Variants in TLK1 observed in about 807,000 individuals in gnomAD.
TLK1 encodes serine/threonine-protein kinase tousled-like 1.
Under a neutral mutation model 105.3 loss-of-function variants are expected in TLK1, and 24 were observed. The observed-to-expected ratio is 0.23, with a 90% CI of 0.17 to 0.32. The LOEUF is 0.32. Among genes scored for constraint, TLK1 ranks in the 10% least tolerant of loss-of-function variants. TLK1 has a pLI of 1.00. For synonymous variants in TLK1, 321 were observed against 310.4 expected (o/e 1.03, Z -0.36); for missense variants, 558 against 910.5 (o/e 0.61, Z 4.98).
At chr2:171,041,282 C>G (rs750995783) in intron 11 of TLK1, among the ~76,000 whole-genome samples, 8 of 152,188 alleles carry the variant, frequency 5.3e-5, no homozygotes, top group Admixed American at 2.6e-4. Context: ...ATCTTTTCAA[C>G]AGTATAATGT....
chr2:171,170,695 A>C (rs1692711248), intron 1 of TLK1, among the ~76,000 whole-genome samples: 1 of 152,226 alleles, frequency 6.6e-6, no homozygotes, highest in Admixed American at 6.5e-5. Flanking sequence ...CTGCCCCATA[A>C]GTTGGCACCA....
chr2:171,222,379 G>A (rs1457540816), intron 1 of TLK1, among the ~76,000 whole-genome samples: 1 of 152,080 alleles, frequency 6.6e-6, no homozygotes, highest in South Asian at 2.1e-4. Flanking sequence ...CTGTTGCCGA[G>A]GCTGGAGTGG....
intron 1 of TLK1, among the ~76,000 whole-genome samples, chr2:171,216,343 G>A (rs1250921777): frequency 1.6e-4 from 25 of 152,132 alleles, no homozygotes; most frequent in Admixed American, 1.6e-3. Context: ...GGGTGTGGTG[G>A]TGGGCGCCTG....
intron 10 of TLK1, 40 bp from the exon 11 acceptor site, chr2:171,046,402 A>G (rs375871319): frequency 4.3e-5 from 65 of 1,507,542 alleles, no homozygotes; most frequent in Non-Finnish European, 4.7e-5. Context: ...TTAACCTTCC[A>G]TTACTTTTCA....
chr2:171,102,374 T>A (rs1266241538), intron 2 of TLK1, among the ~76,000 whole-genome samples: 1 of 152,198 alleles, frequency 6.6e-6, no homozygotes, highest in Non-Finnish European at 1.5e-5. Context: ...TCAAACTGTG[T>A]GTAATGACTC....
intron 1 of TLK1, among the ~76,000 whole-genome samples, chr2:171,149,094 CTTTTCTT>C (rs1691920639): frequency 1.3e-5 from 1 of 74,250 alleles, no homozygotes; most frequent in African/African-American, 5.1e-5. Flanking sequence ...CTTTGAATTA[CTTTTCTT>C]TTTTTTTTTT....
At chr2:170,996,531 G>T in intron 20 of TLK1, 122 bp downstream of exon 20, 2 of 715,128 alleles carry the variant, frequency 2.8e-6, no homozygotes, top group African/African-American at 1.8e-5. Flanking sequence ...AGCCCCTGCT[G>T]GACAGATCCC....
In TLK1 at chr2:171,160,768, C is replaced by A. The variant is rs907325508; in HGVS notation, c.-340G>T. The A allele has an allele frequency of 1.3e-3, 559 of 428,700 alleles. 2 individuals are homozygous for A. The highest frequency in any genetic ancestry group is 1.1e-3 in the Non-Finnish European group (270 of 247,822). 26.6% of individuals were successfully genotyped at this position (428,700 alleles called of 1,614,324 possible). On this transcript the variant is annotated 5_prime_UTR_variant, in exon 1 of 21. Coordinates refer to ENST00000431350, the MANE Select transcript of TLK1 (RefSeq NM_012290.5). The surrounding 1 kb of genome is among the most constrained non-coding windows in gnomAD (Gnocchi z 4.4). ...GAGCGCGGGCGGAGCGCGGGCTGCG[C>A]CGGCCGAGGACACTTCCGCGGGCGG...
intron 1 of TLK1, among the ~76,000 whole-genome samples, chr2:171,166,947 A>G (rs1575643889): frequency 1.3e-5 from 2 of 152,274 alleles, no homozygotes; most frequent in East Asian, 1.9e-4. Context: ...ACAGAAGAAC[A>G]AAGTCAGTTT....
chr2:171,006,006 C>T, intron 18 of TLK1, 141 bp downstream of exon 18: 1 of 773,238 alleles, frequency 1.3e-6, no homozygotes, highest in Non-Finnish European at 1.9e-6. Context: ...AGAAGTCTCC[C>T]TCTCAACTGA....
At chr2:171,179,096 T>C (rs1692883004) in intron 1 of TLK1, among the ~76,000 whole-genome samples, 1 of 152,184 alleles carries the variant, frequency 6.6e-6, no homozygotes, top group Admixed American at 6.5e-5. Context: ...TTATATTCCA[T>C]GTAAGAAGAC....
intron 1 of TLK1, among the ~76,000 whole-genome samples, chr2:171,177,150 TTTCTTTTTTGAGA>T (rs1692844959): frequency 6.8e-6 from 1 of 146,408 alleles, no homozygotes; most frequent in African/African-American, 2.5e-5. Context: ...TCTTTTTTCT[TTTCTTTTTTGAGA>T]CAGGGTCTCA....
At chr2:171,067,383 G>A (rs1295656978) in intron 3 of TLK1, among the ~76,000 whole-genome samples, 1 of 151,418 alleles carries the variant, frequency 6.6e-6, no homozygotes, top group Non-Finnish European at 1.5e-5. Flanking sequence ...GGATGGTCTC[G>A]ATCTCTTGAC....
chr2:171,187,750 G>A (rs996583319), intron 1 of TLK1, among the ~76,000 whole-genome samples: 2 of 152,090 alleles, frequency 1.3e-5, no homozygotes, highest in African/African-American at 4.8e-5. Context: ...TCAGCTTCAC[G>A]AGAACAAGAA....
chr2:171,134,776 G>T (rs552222179), intron 1 of TLK1, among the ~76,000 whole-genome samples: 40 of 137,376 alleles, frequency 2.9e-4, no homozygotes, highest in Admixed American at 5.8e-4. Flanking sequence ...TGTCGCCCAA[G>T]CTGGCGAGCA....
At chr2:171,089,556 AC>A (rs1409611999) in intron 2 of TLK1, among the ~76,000 whole-genome samples, 2 of 152,182 alleles carry the variant, frequency 1.3e-5, no homozygotes, top group Non-Finnish European at 2.9e-5. Flanking sequence ...CTGCAATATC[AC>A]CTTTGTCATA....
intron 12 of TLK1, among the ~76,000 whole-genome samples, chr2:171,021,433 C>CTTTTTTTTTTT (rs531522490): frequency 8.6e-6 from 1 of 116,842 alleles, no homozygotes; most frequent in African/African-American, 3.3e-5. Context: ...CCCGCCCCGA[C>CTTTTTTTTTTT]TTTTTTTTTT....
intron 13 of TLK1, among the ~76,000 whole-genome samples, chr2:171,014,534 T>C (rs1208708965): frequency 6.6e-6 from 1 of 152,110 alleles, no homozygotes; most frequent in Admixed American, 6.5e-5. Context: ...GATCTAAGAA[T>C]GGCCTTTCTA....
At chr2:171,115,656 A>G (rs1690391636) in intron 2 of TLK1, among the ~76,000 whole-genome samples, 2 of 152,222 alleles carry the variant, frequency 1.3e-5, no homozygotes, top group Admixed American at 6.5e-5. Context: ...CAACAGTTGC[A>G]TGTCTAGACT....
Sources: allele counts gnomAD v4.1 joint callset (sites outside exome capture counted in the v4.1 genomes callset), GRCh38; gene constraint gnomAD v4.1.1; non-coding constraint Gnocchi (gnomAD v3.1); transcripts MANE v1.5; gene names NCBI Gene and HGNC (gene_info 2026-07-23, HGNC 2026-07-21).